Variants in ARHGAP25 observed in about 807,000 individuals in gnomAD.
The protein encoded by ARHGAP25 is Rho GTPase activating protein 25.
A neutral mutation model predicts 71.0 loss-of-function variants in ARHGAP25; 34 were observed. The ratio of observed to expected loss-of-function variants is 0.48; its 90% CI spans 0.36 to 0.64. The LOEUF (loss-of-function observed/expected upper bound fraction) is 0.64, where lower values mean the gene tolerates loss of function less well. Among genes scored for constraint, ARHGAP25 ranks in the 30% least tolerant of loss-of-function variants. ARHGAP25 has a pLI of 0.00. For missense variants in ARHGAP25, 706 were observed against 805.1 expected (o/e 0.88, Z 1.49); for synonymous variants, 282 against 296.5 (o/e 0.95, Z 0.50).
intron 2 of ARHGAP25, among the ~76,000 whole-genome samples, chr2:68,728,666 G>A (rs1424642349): frequency 1.3e-5 from 2 of 152,158 alleles, no homozygotes; most frequent in East Asian, 3.8e-4. Context: ...AGAGGCTGAG[G>A]CAGGAGAATC....
chr2:68,747,595 G>T lies in ARHGAP25; in HGVS notation c.61+12335G>T, dbSNP rs113426857. Among the ~76,000 whole-genome samples, 777 of 152,190 alleles carry T rather than the reference G, an allele frequency of 5.1e-3. 9 individuals carry two copies. The highest frequency in any genetic ancestry group is 0.018 in the African/African-American group (742 of 41,498). ...TTAACTTTCATACATTAGCTCCAAC[G>T]TCTCTTCTGGGTTCTGGATGGCCCC... is the stretch of plus-strand genomic sequence containing the variant. On this transcript the variant is annotated intron_variant, in intron 1 of 10. Coordinates refer to ENST00000409202, the MANE Select transcript of ARHGAP25 (RefSeq NM_001007231.3).
intron 1 of ARHGAP25, among the ~76,000 whole-genome samples, chr2:68,763,095 C>T (rs188981461): frequency 2.4e-3 from 365 of 152,264 alleles, no homozygotes; most frequent in Non-Finnish European, 2.9e-3. Flanking sequence ...AGTAAAATCT[C>T]GATACTTTTT....
At chr2:68,771,438 A>G (rs1256475943) in intron 1 of ARHGAP25, among the ~76,000 whole-genome samples, 1 of 152,228 alleles carries the variant, frequency 6.6e-6, no homozygotes, top group Admixed American at 6.5e-5. Flanking sequence ...ATTAATAGTA[A>G]CAGATCTCTT....
At chr2:68,780,779 A>G (rs1451369166) in intron 2 of ARHGAP25, among the ~76,000 whole-genome samples, 1 of 152,004 alleles carries the variant, frequency 6.6e-6, no homozygotes, top group African/African-American at 2.4e-5. Flanking sequence ...TTATTCTCTT[A>G]GGCTCCTGAG....
intron 1 of ARHGAP25, among the ~76,000 whole-genome samples, chr2:68,754,693 C>A (rs1195235778): frequency 6.6e-6 from 1 of 152,140 alleles, no homozygotes. Context: ...ATTTTATGTT[C>A]CTACTGGCCA....
At chr2:68,773,082 T>A (rs1489251203) in intron 1 of ARHGAP25, among the ~76,000 whole-genome samples, 1 of 152,054 alleles carries the variant, frequency 6.6e-6, no homozygotes, top group Non-Finnish European at 1.5e-5. Flanking sequence ...TATAAGGGCA[T>A]ATTATGGGAA....
upstream of ARHGAP25, among the ~76,000 whole-genome samples, chr2:68,734,204 TGATGA>T (rs1217454867): frequency 6.6e-6 from 1 of 152,190 alleles, no homozygotes; most frequent in African/African-American, 2.4e-5. Context: ...CCCATTTTAC[TGATGA>T]GGACATTAAG....
At chr2:68,764,368 C>T (rs1460474533) in intron 1 of ARHGAP25, among the ~76,000 whole-genome samples, 1 of 152,182 alleles carries the variant, frequency 6.6e-6, no homozygotes, top group African/African-American at 2.4e-5. Flanking sequence ...TTCACATCCC[C>T]TGAATAGATT....
rs1343864014 is a variant in ARHGAP25, at chr2:68,807,497, C to T, written c.674+17C>T. 1 of 1,611,758 alleles carries T rather than the reference C, an allele frequency of 6.2e-7. No homozygotes were observed. Among genetic ancestry groups the T allele is most frequent in the African/African-American group, 1.3e-5 (1 of 74,990 alleles). On this transcript the variant is annotated intron_variant, in intron 5 of 10. Coordinates refer to ENST00000409202, the MANE Select transcript of ARHGAP25 (RefSeq NM_001007231.3). ...CTTTGACAGGTACATTGCCCCACTG[C>T]AGTGTCCCACCTCTGCCCTCCCCTC...
chr2:68,763,495 A>G (rs1676946657), intron 1 of ARHGAP25, among the ~76,000 whole-genome samples: 3 of 152,224 alleles, frequency 2.0e-5, no homozygotes, highest in African/African-American at 7.2e-5. Flanking sequence ...TTTGAGATAC[A>G]CTTTAACACC....
intron 1 of ARHGAP25, among the ~76,000 whole-genome samples, chr2:68,748,018 C>T (rs933645244): frequency 1.3e-5 from 2 of 152,180 alleles, no homozygotes; most frequent in African/African-American, 4.8e-5. Context: ...AAGTGGAAAT[C>T]AAATGTGTCA....
rs185476787 is a variant in ARHGAP25, at chr2:68,712,601, G to A, written c.-18+1903G>A. ...CTTTGTCCATGCCTATGTCCTGAAT[G>A]GTATTGCCTAGGTTTTCTTCTAGGG... On this transcript the variant is annotated intron_variant and NMD_transcript_variant, in intron 2 of 7. Coordinates refer to the ARHGAP25 transcript ENST00000463483. Among the ~76,000 whole-genome samples the A allele has an allele frequency of 5.1e-4, 77 of 152,238 alleles. 1 individual carries two copies. The highest frequency in any genetic ancestry group is 1.8e-3 in the African/African-American group (75 of 41,542).
intron 2 of ARHGAP25, among the ~76,000 whole-genome samples, chr2:68,712,037 G>A (rs1316261681): frequency 6.6e-6 from 1 of 152,110 alleles, no homozygotes; most frequent in Non-Finnish European, 1.5e-5. Context: ...CCCAGTAATG[G>A]GAATCCTGGG....
chr2:68,807,267 C>T lies in ARHGAP25; in HGVS notation c.467-6C>T. On this transcript the variant is annotated splice_polypyrimidine_tract_variant and splice_region_variant and intron_variant, in intron 4 of 10. Transcript: ENST00000409202. ...GACGGGCAGGTTCTGTTTGCTCTCT[C>T]CTCAGCAGTGTTTGGCCAGCGCTTG... The T allele has an allele frequency of 6.2e-7, 1 of 1,614,188 alleles. No individual in the cohort carries two copies. The highest frequency in any genetic ancestry group is 8.5e-7 in the Non-Finnish European group (1 of 1,180,026).
intron 1 of ARHGAP25, among the ~76,000 whole-genome samples, chr2:68,740,211 TGTTCCCATCACTG>T (rs1299246235): frequency 6.6e-6 from 1 of 152,178 alleles, no homozygotes. Flanking sequence ...CCACCACCCC[TGTTCCCATCACTG>T]CCATTCACCT....
chr2:68,798,617 T>C (rs6710936), intron 4 of ARHGAP25, among the ~76,000 whole-genome samples: 133,678 of 152,166 alleles, frequency 0.88, 58,756 homozygotes, highest in Middle Eastern at 0.89. Flanking sequence ...TAGTTACAAC[T>C]GTGAAAAGAG....
Position 68,718,178 on chromosome 2 carries a change from C to G in ARHGAP25, c.-18+7480C>G, listed in dbSNP as rs144678119. ...AAAAAAAAGTATCTTCTTTGCCAAT[C>G]AAATGTGTCCCCTCAAAGTAGACCT... On this transcript the variant is annotated intron_variant and NMD_transcript_variant, in intron 2 of 7. Transcript: ENST00000463483. 2.0e-3 allele frequency among the ~76,000 whole-genome samples: 307 copies of G among 152,002 alleles called. 2 individuals are homozygous for G. Among genetic ancestry groups the G allele is most frequent in the African/African-American group, 6.9e-3 (288 of 41,462 alleles).
At position 68,790,119 on chromosome 2, in the gene ARHGAP25, G is replaced by T. The variant is rs148918806; in HGVS notation, c.466+2163G>T. Among the ~76,000 whole-genome samples, 886 of 152,208 alleles carry T rather than the reference G, an allele frequency of 5.8e-3. 10 individuals are homozygous for T. The highest frequency in any genetic ancestry group is 0.02 in the African/African-American group (845 of 41,524). On this transcript the variant is annotated intron_variant, in intron 4 of 10. Transcript: ENST00000409202. ...TTCTCCTACCTCAGCCTTCTGAACA[G>T]CTGGGATTACAGGCATGTGCCACCA...
intron 10 of ARHGAP25, among the ~76,000 whole-genome samples, chr2:68,824,052 A>G (rs1052486292): frequency 6.6e-6 from 1 of 152,242 alleles, no homozygotes; most frequent in Non-Finnish European, 1.5e-5. Context: ...AGGGAAGACT[A>G]CTTTGAACCC....
Sources: allele counts gnomAD v4.1 joint callset (sites outside exome capture counted in the v4.1 genomes callset), GRCh38; gene constraint gnomAD v4.1.1; transcripts MANE v1.5; gene names NCBI Gene and HGNC (gene_info 2026-07-23, HGNC 2026-07-21).